RBFOX2: variants seen among roughly 807,000 people sequenced by gnomAD.
RBFOX2 encodes the protein RNA binding protein fox-1 homolog 2.
A neutral mutation model predicts 49.1 loss-of-function variants in RBFOX2; 10 were observed. That is an observed-to-expected ratio of 0.20 (90% CI 0.13 to 0.35). RBFOX2 has a LOEUF of 0.35. Ranked by LOEUF, RBFOX2 falls within the 10% of genes least tolerant of loss-of-function variation. The pLI is 1.00. For missense variants in RBFOX2, 323 were observed against 486.9 expected, an observed-to-expected ratio of 0.66 and a Z score of 3.17; for synonymous variants, 183 against 187.4, an observed-to-expected ratio of 0.98 and a Z score of 0.19.
At chr22:35,914,629 G>T (rs1392356854) in intron 1 of RBFOX2, among the ~76,000 whole-genome samples, 1 of 152,200 alleles carries the variant, frequency 6.6e-6, no homozygotes, top group African/African-American at 2.4e-5. Flanking sequence ...CTGTGATTCA[G>T]ATACCTAAGA....
At chr22:35,799,169 C>A (rs560555210) in intron 2 of RBFOX2, among the ~76,000 whole-genome samples, 117 of 152,174 alleles carry the variant, frequency 7.7e-4, no homozygotes, top group Non-Finnish European at 1.4e-3. Flanking sequence ...AGAATATGTA[C>A]ACAAATATAA....
At chr22:35,941,258 T>C (rs1012504673), upstream of RBFOX2, among the ~76,000 whole-genome samples, 13 of 152,250 alleles carry the variant, frequency 8.5e-5, no homozygotes, top group Admixed American at 7.9e-4. Flanking sequence ...ATAAATTTAC[T>C]TCCACACACC....
At chr22:35,873,633 T>TG (rs1181582812) in intron 1 of RBFOX2, among the ~76,000 whole-genome samples, 1 of 152,118 alleles carries the variant, frequency 6.6e-6, no homozygotes, top group Non-Finnish European at 1.5e-5. Context: ...GTCAACTCTG[T>TG]AGTTTGTTGT....
chr22:35,894,283 T>G (rs1004012889), intron 1 of RBFOX2, among the ~76,000 whole-genome samples: 1 of 152,228 alleles, frequency 6.6e-6, no homozygotes, highest in African/African-American at 2.4e-5. Flanking sequence ...GTGGCTTAAT[T>G]ACTTTCCTCA....
intron 1 of RBFOX2, among the ~76,000 whole-genome samples, chr22:35,969,206 A>G (rs1050501169): frequency 6.6e-5 from 10 of 152,192 alleles, no homozygotes; most frequent in Non-Finnish European, 1.2e-4. Flanking sequence ...TGCCATTTCA[A>G]AAGTAGCTTT....
At chr22:35,921,598 A>T (rs1054725921) in intron 1 of RBFOX2, among the ~76,000 whole-genome samples, 1 of 152,258 alleles carries the variant, frequency 6.6e-6, no homozygotes, top group Non-Finnish European at 1.5e-5. Flanking sequence ...TTAAATTAGA[A>T]GCTAATACTG....
chr22:35,747,736 T>C (rs1345105531), intron 9 of RBFOX2: 14 of 152,264 alleles, frequency 9.2e-5, no homozygotes, highest in Middle Eastern at 3.2e-3. Flanking sequence ...TATGTTCAAC[T>C]GGCCCAACTG....
chr22:36,019,640 G>A (rs1403707091), intron 1 of RBFOX2, among the ~76,000 whole-genome samples: 1 of 152,112 alleles, frequency 6.6e-6, no homozygotes, highest in East Asian at 1.9e-4. Flanking sequence ...GGAGAAGCCA[G>A]GATTCAAATC....
At chr22:35,999,343 A>C (rs896066006) in intron 1 of RBFOX2, 6 of 151,062 alleles carry the variant, frequency 4.0e-5, no homozygotes, top group Non-Finnish European at 8.9e-5. Flanking sequence ...CCGAGAGTTC[A>C]AGACCAGCCT....
intron 9 of RBFOX2, among the ~76,000 whole-genome samples, chr22:35,757,935 G>C (rs1448963543): frequency 2.0e-5 from 3 of 152,130 alleles, no homozygotes; most frequent in Non-Finnish European, 4.4e-5. Flanking sequence ...CTATAAAGAA[G>C]GGTTGGCATT....
upstream of RBFOX2, among the ~76,000 whole-genome samples, chr22:35,963,839 G>A (rs2056403962): frequency 1.3e-5 from 2 of 152,210 alleles, no homozygotes; most frequent in South Asian, 4.1e-4. Flanking sequence ...TCTGCCTCCC[G>A]GATTCAAGCA....
At chr22:35,793,642 A>T (rs1948210092) in intron 2 of RBFOX2, among the ~76,000 whole-genome samples, 1 of 152,244 alleles carries the variant, frequency 6.6e-6, no homozygotes, top group Non-Finnish European at 1.5e-5. Flanking sequence ...ACAATTTTTT[A>T]GACACAGAAA....
chr22:35,775,396 C>A (rs986995719), intron 4 of RBFOX2, among the ~76,000 whole-genome samples: 5 of 152,126 alleles, frequency 3.3e-5, no homozygotes, highest in African/African-American at 1.2e-4. Flanking sequence ...GTCTGTGCAC[C>A]CTTTAGCAGC....
At chr22:35,760,549 T>A (rs999826779) in intron 8 of RBFOX2, among the ~76,000 whole-genome samples, 1 of 152,234 alleles carries the variant, frequency 6.6e-6, no homozygotes, top group Non-Finnish European at 1.5e-5. Context: ...ATTTCATTAG[T>A]CAATTTCATT....
At chr22:35,916,904 A>T (rs1392600900) in intron 1 of RBFOX2, among the ~76,000 whole-genome samples, 2 of 152,004 alleles carry the variant, frequency 1.3e-5, no homozygotes, top group African/African-American at 4.8e-5. Context: ...GAGTAATGAA[A>T]AGTGGATGGT....
chr22:35,885,843 ATTTTTTTTTTTTTTTTTTT>A (rs538674450), intron 1 of RBFOX2, among the ~76,000 whole-genome samples: 4 of 83,148 alleles, frequency 4.8e-5, no homozygotes, highest in Admixed American at 1.3e-4. Context: ...CCCAAACCTA[ATTTTTTTTTTTTTTTTTTT>A]TTTTTTTTTT....
Position 35,909,142 on chromosome 22 carries a change from C to T in RBFOX2, c.-34+29705G>A, listed in dbSNP as rs1246845130. 3.9e-5 allele frequency among the ~76,000 whole-genome samples: 6 copies of T among 152,240 alleles called. No homozygotes were observed. The East Asian group carries it at 9.7e-4, about 25-fold the overall frequency. Reference sequence around the variant, plus strand: ...CAGGAGTGAGCCACTGCGCCCAGCACATCTCGCTATCTTTCAGAAAATCAT... The same window carrying T: ...CAGGAGTGAGCCACTGCGCCCAGCATATCTCGCTATCTTTCAGAAAATCAT... On this transcript the variant is annotated intron_variant, in intron 1 of 13. Coordinates refer to the RBFOX2 transcript ENST00000359369.
At chr22:35,780,236 A>C (rs761866569) in intron 3 of RBFOX2, among the ~76,000 whole-genome samples, 3 of 152,148 alleles carry the variant, frequency 2.0e-5, no homozygotes, top group Non-Finnish European at 2.9e-5. Flanking sequence ...GTCAGCTATA[A>C]ATGACAGAAT....
chr22:35,926,979 A>T (rs888881329), intron 1 of RBFOX2, among the ~76,000 whole-genome samples: 1 of 152,200 alleles, frequency 6.6e-6, no homozygotes, highest in Admixed American at 6.5e-5. Flanking sequence ...CATTTTTAAG[A>T]CTTTAATCCT....
Sources: allele counts gnomAD v4.1 joint callset (sites outside exome capture counted in the v4.1 genomes callset), GRCh38; gene constraint gnomAD v4.1.1; transcripts MANE v1.5; gene names NCBI Gene and HGNC (gene_info 2026-07-23, HGNC 2026-07-21).